Variants in ZNF620 observed in about 807,000 individuals in gnomAD.
The protein encoded by ZNF620 is zinc finger protein 620.
Under a neutral mutation model 13.3 loss-of-function variants are expected in ZNF620, and 10 were observed. That is an observed-to-expected ratio of 0.75 (90% CI 0.46 to 1.28). The LOEUF (loss-of-function observed/expected upper bound fraction) is 1.28, where lower values mean the gene tolerates loss of function less well. ZNF620 is among the 50% of genes most tolerant of loss of function. ZNF620 has a pLI of 0.00. For missense variants in ZNF620, 461 were observed against 500.2 expected (o/e 0.92, Z 0.75); for synonymous variants, 166 against 177.6 (o/e 0.93, Z 0.52).
chr3:40,513,302 T>TAAAAAAAAAAA (rs1212657603), intron 4 of ZNF620, among the ~76,000 whole-genome samples: 3 of 37,990 alleles, frequency 7.9e-5, no homozygotes, highest in Admixed American at 3.3e-4. Context: ...CCGTCTCAAC[T>TAAAAAAAAAAA]AAAAAAAAAA....
At chr3:40,514,641 G>A (rs1305936559) in intron 4 of ZNF620, among the ~76,000 whole-genome samples, 6 of 152,042 alleles carry the variant, frequency 3.9e-5, no homozygotes, top group Admixed American at 2.0e-4. Flanking sequence ...GTATGGTGGT[G>A]TGCACCTGTA....
intron 2 of ZNF620, chr3:40,508,512 T>G (rs1234775925): frequency 4.2e-6 from 1 of 238,646 alleles, no homozygotes; most frequent in Non-Finnish European, 8.6e-6. Flanking sequence ...TGCATTACAG[T>G]CAGAAAACAT....
chr3:40,506,502 G>A (rs1698024170), intron 2 of ZNF620, 126 bp downstream of exon 2: 1 of 1,109,060 alleles, frequency 9.0e-7, no homozygotes, highest in Admixed American at 2.1e-5. Context: ...CACTATGAGA[G>A]GGATGGAGAG....
Position 40,516,337 on chromosome 3 carries a change from G to T in ZNF620, c.743G>T (p.Gly248Val). 6.2e-7 allele frequency: 1 copy of T among 1,614,166 alleles called. No homozygotes were observed. Among genetic ancestry groups the T allele is most frequent in the Non-Finnish European group, 8.5e-7 (1 of 1,180,022 alleles). The part of the protein sequence containing the change: ...LLIRHQIIHT[G>V]KKPFKCKECG... ...ATTCGGCATCAGATAATTCACACTG[G>T]AAAGAAACCATTTAAATGTAAAGAA... Residue 248 changes from glycine (G) to valine (V), a missense_variant, in exon 5 of 5, where the codon GGA becomes GTA. By Grantham distance (109) the Gly-to-Val change is moderately radical. Transcript: ENST00000314529.
chr3:40,516,139 A>C lies in ZNF620; in HGVS notation c.545A>C (p.Gln182Pro). Residue 182 changes from glutamine (Q) to proline (P), a missense_variant, in exon 5 of 5, where the codon CAA becomes CCA. Transcript: ENST00000314529. ...GGAAAAAATATTAGCGTCAGCACACAACTCACTACAAATCAGACAAATCCT... is the reference window on the plus strand; with the variant it reads ...GGAAAAAATATTAGCGTCAGCACACCACTCACTACAAATCAGACAAATCCT... ...KLGKNISVST[Q>P]LTTNQTNPSG... The C allele has an allele frequency of 6.2e-7, 1 of 1,614,162 alleles. No individual in the cohort carries two copies. The highest frequency in any genetic ancestry group is 8.5e-7 in the Non-Finnish European group (1 of 1,180,046).
chr3:40,511,680 CT>C (rs1698203376), intron 3 of ZNF620, 84 bp downstream of exon 3: 3 of 1,525,636 alleles, frequency 2.0e-6, no homozygotes, highest in African/African-American at 2.8e-5. Flanking sequence ...GGGTTTTTTT[CT>C]TTTTTTCTTT....
At chr3:40,508,636 T>C (rs985981705) in intron 2 of ZNF620, 1 of 399,202 alleles carries the variant, frequency 2.5e-6, no homozygotes, top group African/African-American at 2.1e-5. Flanking sequence ...GCAGCTTTTT[T>C]TTTTTTCTTT....
chr3:40,513,314 A>ATATAT, intron 4 of ZNF620, among the ~76,000 whole-genome samples: 7 of 67,866 alleles, frequency 1.0e-4, no homozygotes, highest in Admixed American at 5.8e-4. Flanking sequence ...AAAAAAAAAA[A>ATATAT]AAATATATAT....
Position 40,506,096 on chromosome 3 carries a change from C to T in ZNF620, c.-92C>T. On this transcript the variant is annotated 5_prime_UTR_variant, in exon 1 of 5. Coordinates refer to ENST00000314529, the MANE Select transcript of ZNF620 (RefSeq NM_175888.4). ...TTCCACGCTTTATCTGCGCCTGCGCCGCGCGGGATTCGCGGTCCGAGCTGA... is the reference window on the plus strand; with the variant it reads ...TTCCACGCTTTATCTGCGCCTGCGCTGCGCGGGATTCGCGGTCCGAGCTGA... 1 of 577,210 alleles carries T rather than the reference C, an allele frequency of 1.7e-6. No homozygotes were observed. The highest frequency in any genetic ancestry group is 2.0e-5 in the South Asian group (1 of 50,582). 35.8% of individuals were successfully genotyped at this position (577,210 alleles called of 1,614,324 possible).
rs1192686674 is a variant in ZNF620, at chr3:40,516,889, G to A, written c.*26G>A. ...GGCTATCCATAGTTAGGCCCACTGT[G>A]CCTCTCCTTTTTTCTCTTTATTTTC... On this transcript the variant is annotated 3_prime_UTR_variant, in exon 5 of 5. Coordinates refer to ENST00000314529, the MANE Select transcript of ZNF620 (RefSeq NM_175888.4). The A allele has an allele frequency of 6.5e-7, 1 of 1,546,412 alleles. No homozygotes were observed. The highest frequency in any genetic ancestry group is 1.3e-5 in the South Asian group (1 of 79,388).
rs1698198388 is a variant in ZNF620, at chr3:40,511,548, C to T, written c.103C>T (p.Leu35=). The part of the protein sequence containing the change: ...WASLDSVQRA[L]YREVMLENYA... Reference sequence around the variant, plus strand: ...CAGCCTGGACTCTGTGCAGAGGGCCCTGTACAGGGAAGTGATGCTGGAGAA... The same window carrying T: ...CAGCCTGGACTCTGTGCAGAGGGCCTTGTACAGGGAAGTGATGCTGGAGAA... Residue 35 remains leucine, a synonymous_variant, in exon 3 of 5, where the codon CTG becomes TTG. Transcript: ENST00000314529. 1 of 1,613,860 alleles carries T rather than the reference C, an allele frequency of 6.2e-7. No individual in the cohort carries two copies.
At chr3:40,510,147 C>T (rs1187448919) in intron 2 of ZNF620, among the ~76,000 whole-genome samples, 3 of 151,860 alleles carry the variant, frequency 2.0e-5, no homozygotes, top group South Asian at 2.1e-4. Context: ...CTCAGTCTCC[C>T]GAGTAGCTGG....
In ZNF620 at chr3:40,516,881, C is replaced by A. The variant is rs1204307660; in HGVS notation, c.*18C>A. 1.3e-6 allele frequency: 2 copies of A among 1,557,540 alleles called. No individual in the cohort carries two copies. Among genetic ancestry groups the A allele is most frequent in the Non-Finnish European group, 1.7e-6 (2 of 1,152,032 alleles). On this transcript the variant is annotated 3_prime_UTR_variant, in exon 5 of 5. Transcript: ENST00000314529. ...AAGCATAGGGCTATCCATAGTTAGG[C>A]CCACTGTGCCTCTCCTTTTTTCTCT...
chr3:40,515,183 C>A (rs975883914), intron 4 of ZNF620, among the ~76,000 whole-genome samples: 7 of 152,218 alleles, frequency 4.6e-5, no homozygotes, highest in African/African-American at 1.7e-4. Context: ...TTGGGACTTA[C>A]ATTCACTCTT....
At chr3:40,512,669 C>T (rs952614272) in intron 4 of ZNF620, among the ~76,000 whole-genome samples, 154 bp downstream of exon 4, 1 of 152,182 alleles carries the variant, frequency 6.6e-6, no homozygotes, top group Non-Finnish European at 1.5e-5. Flanking sequence ...TGGTAGCCTA[C>T]CTCAACTGGG....
At position 40,511,831 on chromosome 3, in the gene ZNF620, G is replaced by A. The variant is rs558445334; in HGVS notation, c.151+235G>A. Among the ~76,000 whole-genome samples the A allele has an allele frequency of 1.8e-4, 28 of 152,068 alleles. No individual in the cohort carries two copies. In the South Asian group the frequency reaches 5.0e-3, roughly 27 times the overall value. ...AAAGTAGCTGGGATTACAGGTGGGCGCCACCACACCCGGCTAATTATTGTA... is the reference window on the plus strand; with the variant it reads ...AAAGTAGCTGGGATTACAGGTGGGCACCACCACACCCGGCTAATTATTGTA... On this transcript the variant is annotated intron_variant, in intron 3 of 4. Transcript: ENST00000314529.
intron 4 of ZNF620, among the ~76,000 whole-genome samples, chr3:40,514,221 C>T (rs1346699423): frequency 6.6e-6 from 1 of 152,182 alleles, no homozygotes; most frequent in Non-Finnish European, 1.5e-5. Flanking sequence ...ACACCTGGCT[C>T]TGCCTTCTAG....
rs758399743 is a variant in ZNF620, at chr3:40,511,558, A to C, written c.113A>C (p.Glu38Ala). The change falls in exon 3 of 5, where the codon GAA (glutamate) becomes GCA (alanine). Residue 38 changes from glutamate to alanine, a missense_variant. Glu to Ala is a moderately radical substitution (Grantham distance 107, BLOSUM62 -1). Transcript: ENST00000314529. ...TCTGTGCAGAGGGCCCTGTACAGGG[A>C]AGTGATGCTGGAGAATTATGCAAAT... The part of the protein sequence containing the change: ...LDSVQRALYR[E>A]VMLENYANVA... 8 of 1,613,424 alleles carry C rather than the reference A, an allele frequency of 5.0e-6. No homozygotes were observed. The East Asian group carries it at 6.7e-5, about 13-fold the overall frequency.
At chr3:40,507,139 T>C (rs995200652) in intron 2 of ZNF620, among the ~76,000 whole-genome samples, 11 of 137,080 alleles carry the variant, frequency 8.0e-5, no homozygotes, top group African/African-American at 3.1e-4. Flanking sequence ...ATCGACAGGC[T>C]GGAGTGCAGT....
Sources: gnomAD v4.1 joint callset for allele counts (sites outside exome capture counted in the v4.1 genomes callset) on GRCh38, gnomAD v4.1.1 for gene constraint, MANE v1.5 for transcripts, NCBI Gene and HGNC (gene_info 2026-07-23, HGNC 2026-07-21) for gene names.